PLCL1: variants seen among roughly 807,000 people sequenced by gnomAD.
PLCL1 encodes the protein phospholipase C like 1 (inactive), also known as inactive phospholipase C-like protein 1.
A neutral mutation model predicts 84.4 loss-of-function variants in PLCL1; 41 were observed. The ratio of observed to expected loss-of-function variants is 0.49; its 90% CI spans 0.38 to 0.63. The LOEUF is 0.63. Ranked by LOEUF, PLCL1 falls within the 30% of genes least tolerant of loss-of-function variation. PLCL1 has a pLI of 0.00. For synonymous variants in PLCL1, 490 were observed against 488.3 expected (o/e 1.00, Z -0.05); for missense variants, 1,206 against 1,367.8 (o/e 0.88, Z 1.87).
At chr2:198,033,017 G>A (rs1436949969) in intron 1 of PLCL1, among the ~76,000 whole-genome samples, 2 of 152,066 alleles carry the variant, frequency 1.3e-5, no homozygotes, top group Non-Finnish European at 2.9e-5. Context: ...AGGGTCACCA[G>A]GTAACATGGA....
Position 198,085,582 on chromosome 2 carries a change from G to A in PLCL1, c.2065G>A (p.Gly689Arg), listed in dbSNP as rs1197996758. 1 of 1,614,072 alleles carries A rather than the reference G, an allele frequency of 6.2e-7. No individual in the cohort carries two copies. The highest frequency in any genetic ancestry group is 8.5e-7 in the Non-Finnish European group (1 of 1,179,988). The part of the protein sequence containing the change: ...DLHTGWFLQN[G>R]GCGYVLRPSI... ...TCACACGGGCTGGTTTCTTCAAAAC[G>A]GGGGATGTGGTTATGTTCTAAGGCC... Residue 689 changes from glycine (G) to arginine (R), a missense_variant, in exon 2 of 6, where the codon GGG becomes AGG. Coordinates refer to ENST00000428675, the MANE Select transcript of PLCL1 (RefSeq NM_006226.4). This position sits in a 1 kb window ranked among gnomAD's most constrained non-coding sequence, Gnocchi z 5.3.
At chr2:197,866,303 G>A (rs1028126289) in intron 1 of PLCL1, among the ~76,000 whole-genome samples, 3 of 150,166 alleles carry the variant, frequency 2.0e-5, no homozygotes, top group African/African-American at 7.4e-5. Context: ...GAACATTTGC[G>A]TTGGCTGAAA....
intron 1 of PLCL1, among the ~76,000 whole-genome samples, chr2:198,017,121 A>C (rs1691017099): frequency 6.6e-6 from 1 of 152,200 alleles, no homozygotes; most frequent in African/African-American, 2.4e-5. Context: ...GCATTGCCAA[A>C]ATTGCCCAGT....
intron 1 of PLCL1, among the ~76,000 whole-genome samples, chr2:198,016,447 G>T (rs1443892953): frequency 6.6e-6 from 1 of 152,110 alleles, no homozygotes; most frequent in African/African-American, 2.4e-5. Flanking sequence ...TTTATAAACT[G>T]CAGTGCTCTA....
chr2:198,029,271 C>G (rs1490515269), intron 1 of PLCL1, among the ~76,000 whole-genome samples: 1 of 152,170 alleles, frequency 6.6e-6, no homozygotes, highest in Non-Finnish European at 1.5e-5. Flanking sequence ...TTGTATAGGT[C>G]AAACACTTGA....
intron 1 of PLCL1, among the ~76,000 whole-genome samples, chr2:197,985,503 A>C (rs1690202441): frequency 6.6e-6 from 1 of 152,206 alleles, no homozygotes; most frequent in South Asian, 2.1e-4. Context: ...GAGTTGGCAA[A>C]CTATAGGGCC....
At chr2:197,876,583 G>GT (rs1687736255) in intron 1 of PLCL1, among the ~76,000 whole-genome samples, 2 of 151,568 alleles carry the variant, frequency 1.3e-5, no homozygotes, top group South Asian at 2.1e-4. Flanking sequence ...ATACTACCTT[G>GT]TTTTTTTTCC....
intron 5 of PLCL1, among the ~76,000 whole-genome samples, chr2:198,135,118 T>G (rs1176617119): frequency 6.6e-6 from 1 of 152,172 alleles, no homozygotes; most frequent in Non-Finnish European, 1.5e-5. Flanking sequence ...TAAATGATAT[T>G]TTTTGAAATG....
At chr2:197,950,346 C>T (rs1689364864) in intron 1 of PLCL1, among the ~76,000 whole-genome samples, 1 of 152,072 alleles carries the variant, frequency 6.6e-6, no homozygotes, top group African/African-American at 2.4e-5. Flanking sequence ...CTCTCGTACC[C>T]CGTCCAGCAC....
chr2:197,890,754 GTA>G (rs1688005591), intron 1 of PLCL1, among the ~76,000 whole-genome samples: 2 of 137,902 alleles, frequency 1.5e-5, no homozygotes, highest in Non-Finnish European at 3.1e-5. Context: ...GTATACGTAT[GTA>G]TATATACATA....
intron 1 of PLCL1, among the ~76,000 whole-genome samples, chr2:198,049,144 C>A (rs1229764500): frequency 6.6e-6 from 1 of 152,126 alleles, no homozygotes; most frequent in Non-Finnish European, 1.5e-5. Flanking sequence ...CATAGGGAGA[C>A]CAAGTGGTGT....
chr2:198,107,231 C>T (rs537207661), intron 5 of PLCL1, among the ~76,000 whole-genome samples: 1 of 151,802 alleles, frequency 6.6e-6, no homozygotes, highest in Non-Finnish European at 1.5e-5. Context: ...AGAACTCACT[C>T]ACTATTATGA....
chr2:197,874,000 G>A (rs530718663), intron 1 of PLCL1, among the ~76,000 whole-genome samples: 275 of 152,198 alleles, frequency 1.8e-3, no homozygotes, highest in Non-Finnish European at 3.2e-3. Context: ...CTTTAGTAAC[G>A]CAATATTATC....
At chr2:198,120,664 A>G (rs2105927395) in intron 5 of PLCL1, among the ~76,000 whole-genome samples, 1 of 152,110 alleles carries the variant, frequency 6.6e-6, no homozygotes, top group Non-Finnish European at 1.5e-5. Context: ...AATCTTTTTT[A>G]TGGCTGAATA....
At chr2:198,025,202 A>G (rs889286577) in intron 1 of PLCL1, among the ~76,000 whole-genome samples, 7 of 152,130 alleles carry the variant, frequency 4.6e-5, no homozygotes, top group African/African-American at 1.7e-4. Context: ...CCTTTTAACA[A>G]ATGAATTTTA....
At chr2:197,873,946 T>G (rs1414026641) in intron 1 of PLCL1, among the ~76,000 whole-genome samples, 1 of 152,200 alleles carries the variant, frequency 6.6e-6, no homozygotes, top group Non-Finnish European at 1.5e-5. Flanking sequence ...CACTGATAGC[T>G]TTTCTTCTTA....
At chr2:197,888,767 TG>T (rs1037465115) in intron 1 of PLCL1, among the ~76,000 whole-genome samples, 1 of 152,230 alleles carries the variant, frequency 6.6e-6, no homozygotes, top group Non-Finnish European at 1.5e-5. Context: ...ATATTTCAGA[TG>T]TTTTTCTGCT....
At chr2:197,860,595 T>C (rs1007273012) in intron 1 of PLCL1, among the ~76,000 whole-genome samples, 11 of 152,156 alleles carry the variant, frequency 7.2e-5, no homozygotes, top group Admixed American at 5.2e-4. Flanking sequence ...TGATATCTCA[T>C]TGTGGTTTTG....
intron 1 of PLCL1, among the ~76,000 whole-genome samples, chr2:198,045,130 G>A (rs1388931823): frequency 8.5e-5 from 13 of 152,228 alleles, no homozygotes; most frequent in East Asian, 1.9e-4. Flanking sequence ...AACTCTAAGC[G>A]TAGAACATTT....
Sources: allele counts gnomAD v4.1 joint callset (sites outside exome capture counted in the v4.1 genomes callset), GRCh38; gene constraint gnomAD v4.1.1; non-coding constraint Gnocchi (gnomAD v3.1); transcripts MANE v1.5; gene names NCBI Gene and HGNC (gene_info 2026-07-23, HGNC 2026-07-21).